CPSF7: variants seen among roughly 807,000 people sequenced by gnomAD.
The protein encoded by CPSF7 is cleavage and polyadenylation specificity factor subunit 7.
Under a neutral mutation model 44.3 loss-of-function variants are expected in CPSF7, and 1 was observed. The observed-to-expected ratio is 0.02, with a 90% CI of 0.01 to 0.11. The LOEUF (loss-of-function observed/expected upper bound fraction) is 0.11. Ranked by LOEUF, CPSF7 falls within the 10% of genes least tolerant of loss-of-function variation. The pLI, the probability that CPSF7 is intolerant of heterozygous loss-of-function variation, is 1.00. For missense variants in CPSF7, 443 were observed against 607.2 expected, an observed-to-expected ratio of 0.73 and a Z score of 2.84; for synonymous variants, 202 against 222.0, an observed-to-expected ratio of 0.91 and a Z score of 0.80.
At chr11:61,423,105 C>CAA (rs71471824) in intron 2 of CPSF7, among the ~76,000 whole-genome samples, 5,522 of 51,772 alleles carry the variant, frequency 0.11, 863 homozygotes, top group African/African-American at 0.26. Context: ...GACCCCATAT[C>CAA]AAAAAAAAAA....
intron 5 of CPSF7, 102 bp from the exon 6 acceptor site, chr11:61,416,621 G>T: frequency 8.1e-7 from 1 of 1,239,504 alleles, no homozygotes; most frequent in South Asian, 1.3e-5. Context: ...AAAGGAAGGT[G>T]ACTAAAGAGG....
At chr11:61,415,628 G>A (rs1860253148) in intron 7 of CPSF7, 38 bp downstream of exon 7, 2 of 1,343,800 alleles carry the variant, frequency 1.5e-6, no homozygotes, top group Non-Finnish European at 1.1e-6. Context: ...AAAAAGTAAA[G>A]GTTAAGGAGA....
intron 5 of CPSF7, among the ~76,000 whole-genome samples, chr11:61,418,934 G>T (rs1860595299): frequency 6.6e-6 from 1 of 152,120 alleles, no homozygotes; most frequent in African/African-American, 2.4e-5. Context: ...GCCCAGGCTG[G>T]TCTCGAACTC....
chr11:61,409,566 C>T (rs1269401202), intron 9 of CPSF7, among the ~76,000 whole-genome samples: 1 of 152,178 alleles, frequency 6.6e-6, no homozygotes, highest in East Asian at 1.9e-4. Context: ...GTTAATTATC[C>T]ACCACAAAGC....
At chr11:61,429,101 A>G in intron 2 of CPSF7, 81 bp downstream of exon 2, 1 of 847,128 alleles carries the variant, frequency 1.2e-6, no homozygotes, top group South Asian at 1.4e-5. Flanking sequence ...GGACTGGTAC[A>G]GCTTGAAACC....
At chr11:61,415,563 T>C in intron 7 of CPSF7, 103 bp downstream of exon 7, 4 of 762,124 alleles carry the variant, frequency 5.2e-6, no homozygotes, top group South Asian at 4.8e-5. Context: ...ATATCTACAG[T>C]ACTCCAACTT....
intron 1 of CPSF7, 108 bp from the exon 2 acceptor site, chr11:61,429,398 C>G (rs1861720315): frequency 1.5e-6 from 1 of 687,898 alleles, no homozygotes; most frequent in Admixed American, 2.2e-5. Flanking sequence ...ATCCTGGCGG[C>G]CCCAGCTCGG....
At position 61,404,370 on chromosome 11, in the gene CPSF7, A is replaced by C. The variant is rs943532390; in HGVS notation, c.*340T>G. 2.6e-5 allele frequency: 4 copies of C among 152,574 alleles called. No homozygotes were observed. The highest frequency in any genetic ancestry group is 9.7e-5 in the African/African-American group (4 of 41,402). 9.5% of individuals were successfully genotyped at this position (152,574 alleles called of 1,614,324 possible). A position where few individuals can be genotyped will look rare whatever the true frequency, so the allele number is the denominator to read the frequency against. On this transcript the variant is annotated 3_prime_UTR_variant, in exon 10 of 10. Transcript: ENST00000439958. ...GTCTTCCCATCAACCTCACCATTGA[A>C]CGGCTCCCGGAGAATCAGAAACTCA...
chr11:61,411,183 G>A (rs1398567063), intron 8 of CPSF7, 78 bp from the exon 9 acceptor site: 4 of 1,423,816 alleles, frequency 2.8e-6, no homozygotes, highest in Non-Finnish European at 3.8e-6. Context: ...GGTGTCTTCT[G>A]ATATTTGCCT....
intron 3 of CPSF7, chr11:61,420,851 C>G: frequency 1.9e-6 from 1 of 514,368 alleles, no homozygotes; most frequent in Non-Finnish European, 3.5e-6. Flanking sequence ...CAAACATTGA[C>G]AGCTAGCAAT....
chr11:61,426,367 CACTA>C (rs898097822), intron 2 of CPSF7: 47 of 152,140 alleles, frequency 3.1e-4, no homozygotes, highest in African/African-American at 1.1e-3. Context: ...TTCCAGATGA[CACTA>C]ACACTAACTT....
chr11:61,407,255 G>T (rs1169971297), intron 9 of CPSF7, among the ~76,000 whole-genome samples: 1 of 152,136 alleles, frequency 6.6e-6, no homozygotes, highest in Non-Finnish European at 1.5e-5. Context: ...ACTGAATGCA[G>T]CCCCAAAGAC....
rs993426778 is a variant in CPSF7 at position 61,403,505 on chromosome 11, G to A, written c.*1205C>T. On this transcript the variant is annotated 3_prime_UTR_variant, in exon 10 of 10. Coordinates refer to ENST00000439958, the MANE Select transcript of CPSF7 (RefSeq NM_001142565.3). ...ACTCTGAGCTGAGTTCATTCAAGTC[G>A]GGCTCTGTTTCTTCTGGCTCCTCAT... 6.6e-6 allele frequency: 1 copy of A among 152,128 alleles called. No homozygotes were observed. Among genetic ancestry groups the A allele is most frequent in the Non-Finnish European group, 1.5e-5 (1 of 68,034 alleles). 9.4% of individuals were successfully genotyped at this position (152,128 alleles called of 1,614,324 possible). A position where few individuals can be genotyped will look rare whatever the true frequency, so the allele number is the denominator to read the frequency against.
At chr11:61,417,527 G>A (rs1860451800) in intron 5 of CPSF7, among the ~76,000 whole-genome samples, 1 of 152,226 alleles carries the variant, frequency 6.6e-6, no homozygotes, top group African/African-American at 2.4e-5. Flanking sequence ...GGCAGCAAGT[G>A]TGGAGGAAAG....
intron 7 of CPSF7, among the ~76,000 whole-genome samples, chr11:61,415,224 C>A (rs969898282): frequency 5.3e-5 from 8 of 152,086 alleles, no homozygotes; most frequent in African/African-American, 1.9e-4. Context: ...GGCGACAGGG[C>A]AAGACTCCCT....
rs924381273 is a variant in CPSF7, at chr11:61,429,929, G to A, written c.-71C>T. 9.6e-5 allele frequency: 140 copies of A among 1,452,024 alleles called. No individual in the cohort carries two copies. Among genetic ancestry groups the A allele is most frequent in the Admixed American group, 7.8e-4 (36 of 46,304 alleles). 89.9% of individuals were successfully genotyped at this position (1,452,024 alleles called of 1,614,324 possible). Reference sequence around the variant, plus strand: ...CCCCCGTTACCGGGAATATGGCGGCGGCGGCGGCGAGTCCGGACTAGGCCC... The same window carrying A: ...CCCCCGTTACCGGGAATATGGCGGCAGCGGCGGCGAGTCCGGACTAGGCCC... On this transcript the variant is annotated 5_prime_UTR_variant, in exon 1 of 10. Transcript: ENST00000439958.
Position 61,404,585 on chromosome 11 carries a change from C to T in CPSF7, c.*125G>A, listed in dbSNP as rs1451972155. ...GGGGCAGAGGGTATTCCCTGGGTGT[C>T]TGGAGGGAGTTAGGGGTTTGGAGGA... On this transcript the variant is annotated 3_prime_UTR_variant, in exon 10 of 10. Transcript: ENST00000439958. 6.6e-6 allele frequency: 1 copy of T among 151,930 alleles called. No individual in the cohort carries two copies. Among genetic ancestry groups the T allele is most frequent in the African/African-American group, 2.4e-5 (1 of 41,282 alleles). The allele number at this position is 151,930 out of a possible 1,614,324, so 9.4% of individuals were successfully genotyped here.
At chr11:61,426,209 G>A (rs1192202090) in intron 2 of CPSF7, among the ~76,000 whole-genome samples, 1 of 152,248 alleles carries the variant, frequency 6.6e-6, no homozygotes, top group Non-Finnish European at 1.5e-5. Flanking sequence ...AGGGCTTCCT[G>A]TGCATGGGCC....
chr11:61,415,053 A>G (rs1228942726), intron 7 of CPSF7, among the ~76,000 whole-genome samples: 1 of 152,174 alleles, frequency 6.6e-6, no homozygotes, highest in Non-Finnish European at 1.5e-5. Flanking sequence ...CCTGGCCAAT[A>G]TGATGAAACC....
Sources: gnomAD v4.1 joint callset for allele counts (sites outside exome capture counted in the v4.1 genomes callset) on GRCh38, gnomAD v4.1.1 for gene constraint, MANE v1.5 for transcripts, NCBI Gene and HGNC (gene_info 2026-07-23, HGNC 2026-07-21) for gene names.